FOXK2: variants seen among roughly 807,000 people sequenced by gnomAD.
FOXK2 encodes the protein forkhead box protein K2.
Under a neutral mutation model 53.3 loss-of-function variants are expected in FOXK2, and 24 were observed. That is an observed-to-expected ratio of 0.45 (90% CI 0.33 to 0.63). FOXK2 has a LOEUF of 0.63. FOXK2 is among the 30% of genes least tolerant of loss of function. The pLI, the probability that FOXK2 is intolerant of heterozygous loss-of-function variation, is 0.03. For synonymous variants in FOXK2, 505 were observed against 407.1 expected (o/e 1.24, Z -2.89); for missense variants, 952 against 910.5 (o/e 1.05, Z -0.59).
intron 8 of FOXK2, among the ~76,000 whole-genome samples, chr17:82,587,815 T>TC (rs1436404580): frequency 1.5e-4 from 23 of 152,084 alleles, no homozygotes; most frequent in Admixed American, 9.8e-4. Flanking sequence ...AGGGTGGGAG[T>TC]CCCTGCTGGC....
In FOXK2 at chr17:82,520,203, C is replaced by T. The variant is rs753775960; in HGVS notation, c.315C>T (p.Pro105=). Residue 105 remains proline (P), a synonymous_variant, in exon 1 of 9, where the codon CCC becomes CCT. Coordinates refer to ENST00000335255, the MANE Select transcript of FOXK2 (RefSeq NM_004514.4). ...APELPPAQPR[P]DAGGDFYLRC... The stretch of plus-strand genomic sequence containing the variant: ...AGCTGCCGCCCGCGCAGCCCAGGCC[C>T]GACGCCGGCGGCGACTTCTACCTGC... 1 of 1,332,830 alleles carries T rather than the reference C, an allele frequency of 7.5e-7. No homozygotes were observed. Among genetic ancestry groups the T allele is most frequent in the Non-Finnish European group, 9.6e-7 (1 of 1,043,088 alleles). The allele number at this position is 1,332,830 out of a possible 1,614,324, so 82.6% of individuals were successfully genotyped here. A position where few individuals can be genotyped will look rare whatever the true frequency, so the allele number is the denominator to read the frequency against.
At chr17:82,563,658 G>A in intron 2 of FOXK2, 110 bp downstream of exon 2, 3 of 926,540 alleles carry the variant, frequency 3.2e-6, no homozygotes, top group Non-Finnish European at 4.6e-6. Flanking sequence ...AGAATGTGAG[G>A]TGGTGTTTAA....
intron 4 of FOXK2, among the ~76,000 whole-genome samples, chr17:82,573,562 T>TCTCACACACACACACACA (rs1185597025): frequency 2.4e-5 from 2 of 83,316 alleles, no homozygotes; most frequent in South Asian, 4.8e-4. Flanking sequence ...TCTCTCTCTC[T>TCTCACACACACACACACA]CACACACACA....
chr17:82,586,938 T>C, intron 7 of FOXK2, 125 bp from the exon 8 acceptor site: 2 of 860,904 alleles, frequency 2.3e-6, no homozygotes, highest in Non-Finnish European at 3.7e-6. Flanking sequence ...TTTTCTAATT[T>C]GCTGTTTGTT....
intron 1 of FOXK2, among the ~76,000 whole-genome samples, chr17:82,536,951 C>G (rs2044526277): frequency 6.6e-6 from 1 of 152,212 alleles, no homozygotes; most frequent in African/African-American, 2.4e-5. Context: ...TTGTGTCAGT[C>G]AGACTCCAGA....
intron 1 of FOXK2, among the ~76,000 whole-genome samples, chr17:82,536,727 C>T (rs1206806989): frequency 6.6e-6 from 1 of 152,212 alleles, no homozygotes; most frequent in Non-Finnish European, 1.5e-5. Context: ...TTGCCCTGGG[C>T]ATGTGTGTAG....
chr17:82,572,579 T>C (rs1213419907), intron 4 of FOXK2, among the ~76,000 whole-genome samples: 1 of 152,144 alleles, frequency 6.6e-6, no homozygotes, highest in Non-Finnish European at 1.5e-5. Flanking sequence ...TCTGTGTATC[T>C]GTGTTGTGTT....
At chr17:82,549,871 G>T (rs2044659737) in intron 1 of FOXK2, among the ~76,000 whole-genome samples, 2 of 152,200 alleles carry the variant, frequency 1.3e-5, no homozygotes, top group Admixed American at 6.5e-5. Flanking sequence ...AACATGTGGG[G>T]TCCAGTGCAG....
Position 82,520,257 on chromosome 17 carries a change from G to A in FOXK2, c.369G>A (p.Val123=). Residue 123 remains valine (V), a synonymous_variant, in exon 1 of 9, where the codon GTG becomes GTA. Transcript: ENST00000335255. ...LRCLGKNGVF[V]DGVFQRRGAP... ...GCTTGGGCAAGAACGGGGTATTCGTGGACGGCGTGTTCCAGAGGCGCGGGG... is the reference window on the plus strand; with the variant it reads ...GCTTGGGCAAGAACGGGGTATTCGTAGACGGCGTGTTCCAGAGGCGCGGGG... 1 of 1,286,834 alleles carries A rather than the reference G, an allele frequency of 7.8e-7. No homozygotes were observed. Among genetic ancestry groups the A allele is most frequent in the Non-Finnish European group, 9.9e-7 (1 of 1,014,118 alleles). 79.7% of individuals were successfully genotyped at this position (1,286,834 alleles called of 1,614,324 possible).
rs574997251 is a variant in FOXK2 at position 82,528,119 on chromosome 17, A to T, written c.419+7812A>T. Among the ~76,000 whole-genome samples the T allele has an allele frequency of 3.9e-5, 6 of 152,220 alleles. No homozygotes were observed. In the East Asian group the frequency reaches 1.2e-3, roughly 29 times the overall value. ...GGCCTATACATGTTTTCAAGTGCTG[A>T]TCATTTATTAATAGTGAAGTGATTG... is the stretch of plus-strand genomic sequence containing the variant. On this transcript the variant is annotated intron_variant, in intron 1 of 8. Transcript: ENST00000335255.
chr17:82,566,877 C>T (rs938536381), intron 2 of FOXK2, among the ~76,000 whole-genome samples: 4 of 152,246 alleles, frequency 2.6e-5, no homozygotes, highest in Non-Finnish European at 5.9e-5. Context: ...CCCAGCAGGT[C>T]ACTCGCCTTC....
chr17:82,539,202 C>T (rs572048486), intron 1 of FOXK2, among the ~76,000 whole-genome samples: 47 of 149,226 alleles, frequency 3.1e-4, no homozygotes, highest in African/African-American at 1.1e-3. Context: ...CGTGGTGGCT[C>T]AGGCCCGTAA....
Position 82,604,142 on chromosome 17 carries a change from G to C in FOXK2, c.*2643G>C, listed in dbSNP as rs2045420044. On this transcript the variant is annotated 3_prime_UTR_variant, in exon 9 of 9. Coordinates refer to ENST00000335255, the MANE Select transcript of FOXK2 (RefSeq NM_004514.4). Reference sequence around the variant, plus strand: ...GTGTTCCTCAGTGTCTGCTTTTCAGGAAGTCTGCTGTGACCTTTGCCCAAC... The same window carrying C: ...GTGTTCCTCAGTGTCTGCTTTTCAGCAAGTCTGCTGTGACCTTTGCCCAAC... 6.6e-6 allele frequency: 1 copy of C among 152,308 alleles called. No homozygotes were observed. The highest frequency in any genetic ancestry group is 1.5e-5 in the Non-Finnish European group (1 of 68,088). 9.4% of individuals were successfully genotyped at this position (152,308 alleles called of 1,614,324 possible).
chr17:82,549,154 C>G (rs1282213929), intron 1 of FOXK2, among the ~76,000 whole-genome samples: 2 of 152,176 alleles, frequency 1.3e-5, no homozygotes, highest in Non-Finnish European at 2.9e-5. Flanking sequence ...GTCCACCTCC[C>G]TCCTCTTCTG....
intron 4 of FOXK2, among the ~76,000 whole-genome samples, chr17:82,574,915 A>G (rs1052970337): frequency 4.6e-5 from 7 of 152,230 alleles, no homozygotes; most frequent in Non-Finnish European, 7.3e-5. Flanking sequence ...TTTACGTCCT[A>G]TGATTTGATT....
intron 2 of FOXK2, among the ~76,000 whole-genome samples, chr17:82,566,362 G>A (rs1238678287): frequency 6.6e-6 from 1 of 152,074 alleles, no homozygotes; most frequent in Non-Finnish European, 1.5e-5. Flanking sequence ...AGTCGCCCCG[G>A]CTGGCATCAG....
At chr17:82,587,543 G>C in intron 8 of FOXK2, 1 of 468,848 alleles carries the variant, frequency 2.1e-6, no homozygotes, top group Non-Finnish European at 3.9e-6. Flanking sequence ...AGATTTCCTG[G>C]GTGTGGCCTG....
In FOXK2 at chr17:82,601,525, A is replaced by T. The variant is rs761242202; in HGVS notation, c.*26A>T. On this transcript the variant is annotated 3_prime_UTR_variant, in exon 9 of 9. Coordinates refer to ENST00000335255, the MANE Select transcript of FOXK2 (RefSeq NM_004514.4). ...CGACCGGGAGAGCTTTTCTTTAACG[A>T]TATCAACTCTGTGGTGCCAAAAGGA... is the stretch of plus-strand genomic sequence containing the variant. 1.2e-5 allele frequency: 19 copies of T among 1,580,168 alleles called. No individual in the cohort carries two copies. The highest frequency in any genetic ancestry group is 1.5e-5 in the Non-Finnish European group (17 of 1,161,616).
In FOXK2 at chr17:82,586,046, C is replaced by T; in HGVS notation, c.1422C>T (p.Val474=). ...QPPVVQTVHV[V]HQIPAVSVTS... is the part of the protein sequence containing the mutation. ...CCGTCGTGCAGACGGTTCACGTCGTCCACCAGATCCCAGCGGTGTCGGTCA... is the reference window on the plus strand; with the variant it reads ...CCGTCGTGCAGACGGTTCACGTCGTTCACCAGATCCCAGCGGTGTCGGTCA... Residue 474 remains valine, a synonymous_variant, in exon 7 of 9, where the codon GTC becomes GTT. Transcript: ENST00000335255. 1.9e-6 allele frequency: 3 copies of T among 1,612,836 alleles called. No homozygotes were observed. Among genetic ancestry groups the T allele is most frequent in the Non-Finnish European group, 2.5e-6 (3 of 1,179,998 alleles).
Sources: allele counts gnomAD v4.1 joint callset (sites outside exome capture counted in the v4.1 genomes callset), GRCh38; gene constraint gnomAD v4.1.1; transcripts MANE v1.5; gene names NCBI Gene and HGNC (gene_info 2026-07-23, HGNC 2026-07-21).